The following PRKCB variants were observed in gnomAD, a reference collection of about 807,000 sequenced individuals.
PRKCB encodes protein kinase C beta type.
A neutral mutation model predicts 81.5 loss-of-function variants in PRKCB; 13 were observed. The observed-to-expected ratio is 0.16, with a 90% CI of 0.10 to 0.25. The LOEUF is 0.25. Among genes scored for constraint, PRKCB ranks in the 10% least tolerant of loss-of-function variants. The probability of loss-of-function intolerance (pLI) is 1.00; values close to 1 mark genes in which losing one functional copy is unlikely to be tolerated. For synonymous variants in PRKCB, 335 were observed against 321.4 expected, an observed-to-expected ratio of 1.04 and a Z score of -0.45; for missense variants, 509 against 875.7, an observed-to-expected ratio of 0.58 and a Z score of 5.29.
chr16:24,202,052 A>C (rs1412447330), intron 16 of PRKCB, among the ~76,000 whole-genome samples: 1 of 151,574 alleles, frequency 6.6e-6, no homozygotes, highest in Non-Finnish European at 1.5e-5. Context: ...AAAAAAAAAG[A>C]AAAAAAGAAA....
chr16:24,143,582 C>T (rs1250320801), intron 9 of PRKCB, among the ~76,000 whole-genome samples: 2 of 152,030 alleles, frequency 1.3e-5, no homozygotes, highest in South Asian at 2.1e-4. Context: ...AACTAGGGAT[C>T]GTGTGATCCC....
At chr16:24,200,704 T>C (rs540913014) in intron 16 of PRKCB, among the ~76,000 whole-genome samples, 1 of 152,298 alleles carries the variant, frequency 6.6e-6, no homozygotes, top group Admixed American at 6.5e-5. Context: ...TATGCATACA[T>C]GTGTGTGCAC....
At chr16:24,129,762 A>G (rs1293474178) in intron 9 of PRKCB, among the ~76,000 whole-genome samples, 1 of 152,244 alleles carries the variant, frequency 6.6e-6, no homozygotes, top group Admixed American at 6.5e-5. Flanking sequence ...TTCATAACAT[A>G]TCAAATAAAA....
At chr16:24,163,285 A>T (rs940603475) in intron 10 of PRKCB, among the ~76,000 whole-genome samples, 4 of 152,238 alleles carry the variant, frequency 2.6e-5, no homozygotes, top group African/African-American at 9.6e-5. Context: ...GGACATAGTT[A>T]TAGGCTAGTG....
chr16:23,857,463 C>T (rs1042657669), intron 2 of PRKCB, among the ~76,000 whole-genome samples: 3 of 152,158 alleles, frequency 2.0e-5, no homozygotes, highest in African/African-American at 7.2e-5. Context: ...TGGGACTCTG[C>T]TGAGGGTTGC....
intron 2 of PRKCB, among the ~76,000 whole-genome samples, chr16:23,871,956 G>A (rs1962912719): frequency 6.6e-6 from 1 of 151,880 alleles, no homozygotes; most frequent in Non-Finnish European, 1.5e-5. Context: ...CTTTGGGAGA[G>A]CGGGGTCCTT....
At chr16:24,210,631 C>G (rs192859717) in intron 16 of PRKCB, among the ~76,000 whole-genome samples, 13 of 152,048 alleles carry the variant, frequency 8.5e-5, no homozygotes, top group African/African-American at 2.9e-4. Flanking sequence ...TCCTGAGTAG[C>G]TGGGACCACA....
intron 5 of PRKCB, among the ~76,000 whole-genome samples, chr16:24,046,445 T>C (rs1965766178): frequency 6.6e-6 from 1 of 152,184 alleles, no homozygotes; most frequent in Non-Finnish European, 1.5e-5. Context: ...CAAGGAACAC[T>C]ATCAAGGAAA....
chr16:23,998,155 C>T (rs937238987), intron 3 of PRKCB, among the ~76,000 whole-genome samples: 2 of 152,166 alleles, frequency 1.3e-5, no homozygotes, highest in African/African-American at 2.4e-5. Context: ...AATTTTTTCC[C>T]GCCTTTGGGT....
chr16:23,876,004 T>C (rs935751595), intron 2 of PRKCB, among the ~76,000 whole-genome samples: 1 of 152,194 alleles, frequency 6.6e-6, no homozygotes, highest in African/African-American at 2.4e-5. Context: ...ATATGCCTCA[T>C]TTTATGTGAC....
At chr16:23,934,288 G>A (rs916671881) in intron 2 of PRKCB, among the ~76,000 whole-genome samples, 6 of 149,296 alleles carry the variant, frequency 4.0e-5, no homozygotes, top group South Asian at 4.3e-4. Flanking sequence ...TCTAAGAAAC[G>A]TTGATTTTTA....
intron 2 of PRKCB, among the ~76,000 whole-genome samples, chr16:23,923,834 G>T (rs995683377): frequency 6.6e-6 from 1 of 152,102 alleles, no homozygotes; most frequent in African/African-American, 2.4e-5. Flanking sequence ...GGAAGGGATT[G>T]CTCATTGTGG....
chr16:23,870,926 C>CT (rs1962891870), intron 2 of PRKCB, among the ~76,000 whole-genome samples: 1 of 152,224 alleles, frequency 6.6e-6, no homozygotes, highest in African/African-American at 2.4e-5. Flanking sequence ...GATGGCTTCA[C>CT]TTGCACATCT....
At chr16:24,110,446 G>A (rs1333336555) in intron 7 of PRKCB, among the ~76,000 whole-genome samples, 1 of 151,164 alleles carries the variant, frequency 6.6e-6, no homozygotes, top group Non-Finnish European at 1.5e-5. Context: ...CTCCTGACCT[G>A]GTGATCTGCC....
chr16:23,916,772 T>C (rs1802101094), intron 2 of PRKCB, among the ~76,000 whole-genome samples: 1 of 152,216 alleles, frequency 6.6e-6, no homozygotes, highest in Non-Finnish European at 1.5e-5. Flanking sequence ...CCTCATTCTT[T>C]TTTTTGAAAC....
intron 2 of PRKCB, among the ~76,000 whole-genome samples, chr16:23,970,905 G>A (rs987342324): frequency 1.3e-5 from 2 of 152,144 alleles, no homozygotes; most frequent in African/African-American, 4.8e-5. Flanking sequence ...TGAGTCATTG[G>A]ACTCTCCTCT....
intron 16 of PRKCB, among the ~76,000 whole-genome samples, chr16:24,202,141 C>T (rs1002467013): frequency 1.3e-5 from 2 of 152,240 alleles, no homozygotes; most frequent in East Asian, 3.9e-4. Context: ...CTGACTCTAT[C>T]CTGGCCTTCT....
At chr16:24,029,830 G>T (rs1965529157) in intron 3 of PRKCB, among the ~76,000 whole-genome samples, 1 of 152,210 alleles carries the variant, frequency 6.6e-6, no homozygotes, top group Non-Finnish European at 1.5e-5. Flanking sequence ...ATGTACCAAA[G>T]GCTAGGGTGT....
intron 2 of PRKCB, among the ~76,000 whole-genome samples, chr16:23,946,416 T>C (rs1313459424): frequency 1.6e-4 from 25 of 152,286 alleles, no homozygotes; most frequent in Non-Finnish European, 1.5e-5. Context: ...CTGTCATCCA[T>C]CATATCAGTT....
Sources: gnomAD v4.1 joint callset for allele counts (sites outside exome capture counted in the v4.1 genomes callset) on GRCh38, gnomAD v4.1.1 for gene constraint, MANE v1.5 for transcripts, NCBI Gene and HGNC (gene_info 2026-07-23, HGNC 2026-07-21) for gene names.